AK9: variants seen among roughly 807,000 people sequenced by gnomAD.
AK9 encodes adenylate kinase domain containing 1.
In AK9, 191 loss-of-function variants were observed where a neutral mutation model predicts 239.6. The observed-to-expected ratio is 0.80, with a 90% CI of 0.71 to 0.90. The LOEUF (loss-of-function observed/expected upper bound fraction) is 0.90, where lower values mean the gene tolerates loss of function less well. AK9 is among the 40% of genes least tolerant of loss of function. The pLI, the probability that AK9 is intolerant of heterozygous loss-of-function variation, is 0.00. For synonymous variants in AK9, 689 were observed against 721.0 expected (o/e 0.96, Z 0.71); for missense variants, 1,995 against 2,214.7 (o/e 0.90, Z 1.99).
chr6:109,628,000 C>A (rs893461270), intron 12 of AK9, among the ~76,000 whole-genome samples: 4 of 152,094 alleles, frequency 2.6e-5, no homozygotes, highest in African/African-American at 9.7e-5. Context: ...CAAGTATTTC[C>A]CAATTTGATA....
At position 109,644,424 on chromosome 6, in the gene AK9, A is replaced by C. The variant is rs1015238053; in HGVS notation, c.834+190T>G. 5 of 449,158 alleles carry C rather than the reference A, an allele frequency of 1.1e-5. No homozygotes were observed. In the Admixed American group the frequency reaches 2.2e-4, roughly 19 times the overall value. The allele number at this position is 449,158 out of a possible 1,614,324, so 27.8% of individuals were successfully genotyped here. On this transcript the variant is annotated intron_variant, in intron 9 of 40. Coordinates refer to ENST00000424296, the MANE Select transcript of AK9 (RefSeq NM_001145128.3). ...CTTTTGAAAGAGATTTTAAATTCGA[A>C]TGTAGTTTTGATTTTAAAATGGACA...
intron 26 of AK9, among the ~76,000 whole-genome samples, chr6:109,543,557 C>T (rs1783156171): frequency 6.6e-6 from 1 of 152,042 alleles, no homozygotes; most frequent in Non-Finnish European, 1.5e-5. Flanking sequence ...AAGTGATTCT[C>T]CTGCCTTAGC....
At chr6:109,558,112 A>C (rs1039384165) in intron 24 of AK9, among the ~76,000 whole-genome samples, 3 of 152,194 alleles carry the variant, frequency 2.0e-5, no homozygotes, top group African/African-American at 7.2e-5. Flanking sequence ...TTGAGTATTA[A>C]GAGTTCTTTA....
Position 109,514,325 on chromosome 6 carries a change from A to C in AK9, c.4178T>G (p.Phe1393Cys), listed in dbSNP as rs1779049585. 1 of 1,551,364 alleles carries C rather than the reference A, an allele frequency of 6.4e-7. No individual in the cohort carries two copies. The highest frequency in any genetic ancestry group is 1.4e-5 in the African/African-American group (1 of 73,068). The change falls in exon 32 of 41, where the codon TTT (phenylalanine) becomes TGT (cysteine). Residue 1393 changes from phenylalanine (F) to cysteine (C), a missense_variant. Physicochemically the swap from Phe to Cys is radical, Grantham distance 205. This residue lies in a region of AK9 where 1,290 missense variants were observed against 1,392.7 expected (regional missense o/e 0.93). Transcript: ENST00000424296. ...FLSSKETKEK[F>C]MKNPIKYIRQ... is the part of the protein sequence containing the mutation. Reference sequence around the variant, plus strand: ...GATATATTTGATTGGGTTCTTCATAAATTTTTCTTTTGTTTCTTTACTAGA... The same window carrying C: ...GATATATTTGATTGGGTTCTTCATACATTTTTCTTTTGTTTCTTTACTAGA...
rs1384001034 is a variant in AK9, at chr6:109,509,429, G to A, written c.4280-49C>T. The A allele has an allele frequency of 4.7e-6, 7 of 1,479,942 alleles. No homozygotes were observed. In the Admixed American group the frequency reaches 1.0e-4, roughly 21 times the overall value. 91.7% of individuals were successfully genotyped at this position (1,479,942 alleles called of 1,614,324 possible). On this transcript the variant is annotated intron_variant, in intron 32 of 40. Coordinates refer to ENST00000424296, the MANE Select transcript of AK9 (RefSeq NM_001145128.3). ...TTAAATTAAATGATTTAGATTCAGG[G>A]GGGACATGTGCAGTTTTGTTACATG...
intron 12 of AK9, 195 bp downstream of exon 12, chr6:109,632,728 T>C: frequency 8.0e-7 from 1 of 1,257,232 alleles, no homozygotes; most frequent in Non-Finnish European, 1.0e-6. Context: ...GAAGCAGCAA[T>C]AAACAACAAA....
chr6:109,586,718 A>T (rs1345657763), intron 17 of AK9, among the ~76,000 whole-genome samples: 1 of 152,178 alleles, frequency 6.6e-6, no homozygotes, highest in Non-Finnish European at 1.5e-5. Flanking sequence ...GCATGGAGTC[A>T]AAACAACAAA....
At chr6:109,659,999 G>A (rs532350622) in intron 6 of AK9, among the ~76,000 whole-genome samples, 1 of 152,220 alleles carries the variant, frequency 6.6e-6, no homozygotes. Flanking sequence ...TAAGTTTCTT[G>A]TTCCAAAGTG....
intron 12 of AK9, chr6:109,632,356 A>G (rs1796175131): frequency 2.1e-6 from 2 of 967,158 alleles, no homozygotes; most frequent in Admixed American, 1.2e-4. Flanking sequence ...ATTCCTCCAC[A>G]TTCCAATCCC....
chr6:109,498,925 G>C (rs901465130), intron 36 of AK9, 119 bp downstream of exon 36: 34 of 811,722 alleles, frequency 4.2e-5, no homozygotes, highest in Non-Finnish European at 5.6e-5. Context: ...AGAGTCACAA[G>C]TTCCAGTAAT....
At chr6:109,647,464 A>C (rs960013077) in intron 8 of AK9, among the ~76,000 whole-genome samples, 10 of 152,208 alleles carry the variant, frequency 6.6e-5, no homozygotes, top group African/African-American at 2.4e-4. Context: ...ACAGACTTGA[A>C]ACCAACAAAG....
At position 109,497,551 on chromosome 6, in the gene AK9, T is replaced by A; in HGVS notation, c.5229A>T (p.Leu1743=). The A allele has an allele frequency of 4.4e-6, 7 of 1,599,132 alleles. No individual in the cohort carries two copies. The highest frequency in any genetic ancestry group is 6.0e-6 in the Non-Finnish European group (7 of 1,168,408). The change falls in exon 38 of 41, where the codon CTA becomes CTT. Residue 1743 remains leucine (L), a synonymous_variant. Coordinates refer to ENST00000424296, the MANE Select transcript of AK9 (RefSeq NM_001145128.3). ...YKDGNQRYEA[L]VPGSINYALE... is the part of the protein sequence containing the mutation. Reference sequence around the variant, plus strand: ...AAGCATAGTTAATGCTACCAGGTACTAGAGCTTCATATCTGGAAGACCAAA... The same window carrying A: ...AAGCATAGTTAATGCTACCAGGTACAAGAGCTTCATATCTGGAAGACCAAA...
chr6:109,641,712 CCT>C (rs1797477768), intron 9 of AK9, 96 bp from the exon 10 acceptor site: 1 of 1,013,444 alleles, frequency 9.9e-7, no homozygotes. Flanking sequence ...CCATGCTCCC[CCT>C]GACTCTGGGT....
intron 17 of AK9, among the ~76,000 whole-genome samples, chr6:109,597,206 A>G (rs1447527259): frequency 6.6e-6 from 1 of 152,194 alleles, no homozygotes; most frequent in Non-Finnish European, 1.5e-5. Context: ...ACACATTGCC[A>G]CATTGCTGCC....
At chr6:109,630,273 T>TA (rs1344658275) in intron 12 of AK9, among the ~76,000 whole-genome samples, 1 of 152,124 alleles carries the variant, frequency 6.6e-6, no homozygotes, top group African/African-American at 2.4e-5. Context: ...AAAGAGGGGC[T>TA]AAATAAATGG....
intron 8 of AK9, 32 bp downstream of exon 8, chr6:109,656,723 AT>A: frequency 6.5e-7 from 1 of 1,541,840 alleles, no homozygotes; most frequent in South Asian, 1.1e-5. Context: ...ACAAATATCA[AT>A]ATTCATTTTC....
At chr6:109,558,341 T>C (rs1305368565) in intron 24 of AK9, among the ~76,000 whole-genome samples, 5 of 152,188 alleles carry the variant, frequency 3.3e-5, no homozygotes, top group African/African-American at 1.2e-4. Context: ...CTCTCTTATG[T>C]TTCTTCCAGA....
At chr6:109,689,686 C>A (rs974831791) in intron 1 of AK9, among the ~76,000 whole-genome samples, 5 of 152,136 alleles carry the variant, frequency 3.3e-5, no homozygotes, top group Admixed American at 3.3e-4. Flanking sequence ...CCTGGGATTA[C>A]GTCTCATATA....
At chr6:109,550,960 A>C (rs1784285960) in intron 24 of AK9, among the ~76,000 whole-genome samples, 1 of 152,090 alleles carries the variant, frequency 6.6e-6, no homozygotes, top group Non-Finnish European at 1.5e-5. Context: ...ATCTCTTTTC[A>C]CCGTTTTTCT....
Sources: gnomAD v4.1 joint callset for allele counts (sites outside exome capture counted in the v4.1 genomes callset) on GRCh38, gnomAD v4.1.1 for gene constraint, gnomAD v4.1.1 regional missense constraint, MANE v1.5 for transcripts, NCBI Gene and HGNC (gene_info 2026-07-23, HGNC 2026-07-21) for gene names.